Variants in FAM53B observed in about 807,000 individuals in gnomAD.
FAM53B encodes the protein protein FAM53B.
A neutral mutation model predicts 32.7 loss-of-function variants in FAM53B; 12 were observed. That is an observed-to-expected ratio of 0.37 (90% CI 0.24 to 0.59). The LOEUF (loss-of-function observed/expected upper bound fraction) is 0.59, where lower values mean the gene tolerates loss of function less well. Ranked by LOEUF, FAM53B falls within the 20% of genes least tolerant of loss-of-function variation. The pLI, the probability that FAM53B is intolerant of heterozygous loss-of-function variation, is 0.72. For synonymous variants in FAM53B, 234 were observed against 228.7 expected, an observed-to-expected ratio of 1.02 and a Z score of -0.21; for missense variants, 477 against 577.7, an observed-to-expected ratio of 0.83 and a Z score of 1.79.
intron 2 of FAM53B, among the ~76,000 whole-genome samples, chr10:124,698,563 C>T (rs1398745501): frequency 2.0e-5 from 3 of 152,158 alleles, no homozygotes; most frequent in Admixed American, 6.5e-5. Context: ...CCCAGGCACT[C>T]GTTCATACAT....
chr10:124,624,751 G>T (rs1323398622), intron 4 of FAM53B, among the ~76,000 whole-genome samples: 1 of 139,030 alleles, frequency 7.2e-6, no homozygotes, highest in Non-Finnish European at 1.7e-5. Flanking sequence ...GCACAAGTGG[G>T]TGCAGTTCAA....
intron 4 of FAM53B, among the ~76,000 whole-genome samples, chr10:124,629,291 G>A (rs1049246900): frequency 4.6e-5 from 7 of 152,156 alleles, no homozygotes; most frequent in Admixed American, 2.0e-4. Flanking sequence ...CGCCAAGTCC[G>A]TCTCCCAGAG....
chr10:124,679,573 G>A (rs1034634106), intron 4 of FAM53B, among the ~76,000 whole-genome samples: 19 of 152,252 alleles, frequency 1.2e-4, no homozygotes, highest in Admixed American at 2.0e-4. Context: ...CTTGGTGGGG[G>A]CATGGCTCAG....
chr10:124,654,441 C>G (rs1300552867), intron 4 of FAM53B, among the ~76,000 whole-genome samples: 1 of 152,138 alleles, frequency 6.6e-6, no homozygotes, highest in Non-Finnish European at 1.5e-5. Flanking sequence ...GAAGAGCGCT[C>G]CCAGGGAGGT....
At chr10:124,702,626 C>A (rs1949922670) in intron 2 of FAM53B, among the ~76,000 whole-genome samples, 1 of 152,196 alleles carries the variant, frequency 6.6e-6, no homozygotes, top group South Asian at 2.1e-4. Flanking sequence ...CCTGGGCTCT[C>A]TGAGCCACAG....
chr10:124,710,190 T>C (rs1949991266), intron 1 of FAM53B, among the ~76,000 whole-genome samples: 1 of 152,222 alleles, frequency 6.6e-6, no homozygotes, highest in Admixed American at 6.5e-5. Flanking sequence ...GGGCTCTGAA[T>C]GCCATACTCA....
intron 2 of FAM53B, among the ~76,000 whole-genome samples, chr10:124,702,823 G>A (rs996017232): frequency 5.3e-5 from 8 of 152,272 alleles, no homozygotes; most frequent in Middle Eastern, 3.4e-3. Context: ...GGGTGTTTGG[G>A]TCATGGGAGC....
At chr10:124,639,808 G>A (rs1273662321) in intron 4 of FAM53B, among the ~76,000 whole-genome samples, 3 of 151,978 alleles carry the variant, frequency 2.0e-5, no homozygotes, top group Non-Finnish European at 2.9e-5. Context: ...TGCCTGGGGC[G>A]GGCATGGGGG....
intron 4 of FAM53B, among the ~76,000 whole-genome samples, chr10:124,646,857 C>G (rs991252694): frequency 6.6e-6 from 1 of 152,186 alleles, no homozygotes; most frequent in African/African-American, 2.4e-5. Flanking sequence ...GCAGAAGCAC[C>G]CAAGGCAAGC....
At chr10:124,656,446 T>C (rs777918981) in intron 4 of FAM53B, among the ~76,000 whole-genome samples, 6 of 152,224 alleles carry the variant, frequency 3.9e-5, no homozygotes, top group African/African-American at 1.4e-4. Flanking sequence ...AACTCACATA[T>C]AGACTATTTG....
At position 124,689,911 on chromosome 10, in the gene FAM53B, C is replaced by G. The variant is rs367963012; in HGVS notation, c.133+6247G>C. On this transcript the variant is annotated intron_variant, in intron 3 of 4. Coordinates refer to ENST00000337318, the MANE Select transcript of FAM53B (RefSeq NM_014661.4). ...CCCTTTTGGGTCTGACCAGGACTTCCTATTCTACCCCTCAGCTCCCACAGG... is the reference window on the plus strand; with the variant it reads ...CCCTTTTGGGTCTGACCAGGACTTCGTATTCTACCCCTCAGCTCCCACAGG... Among the ~76,000 whole-genome samples the G allele has an allele frequency of 1.1e-4, 17 of 152,372 alleles. No individual in the cohort carries two copies. In the East Asian group the frequency reaches 2.7e-3, roughly 24 times the overall value.
intron 1 of FAM53B, among the ~76,000 whole-genome samples, chr10:124,729,079 G>C (rs991558851): frequency 5.9e-5 from 9 of 152,346 alleles, no homozygotes; most frequent in African/African-American, 1.7e-4. Context: ...AGAGTGCTTG[G>C]CACACAGTAG....
At chr10:124,712,261 C>T (rs529387384) in intron 1 of FAM53B, among the ~76,000 whole-genome samples, 2 of 152,112 alleles carry the variant, frequency 1.3e-5, no homozygotes, top group East Asian at 1.9e-4. Context: ...GAGGCTGAGG[C>T]GCAGGAAACA....
chr10:124,680,767 C>T (rs1372570467), intron 4 of FAM53B, among the ~76,000 whole-genome samples: 2 of 152,136 alleles, frequency 1.3e-5, no homozygotes, highest in Non-Finnish European at 2.9e-5. Flanking sequence ...ATTAAGCAAC[C>T]GATGGCCTCC....
At chr10:124,625,235 G>A (rs909227443) in intron 4 of FAM53B, among the ~76,000 whole-genome samples, 5 of 152,350 alleles carry the variant, frequency 3.3e-5, no homozygotes, top group Admixed American at 1.3e-4. Flanking sequence ...CCATGGGCAC[G>A]CTCATTGTTC....
At chr10:124,693,504 T>A (rs1340814666) in intron 3 of FAM53B, among the ~76,000 whole-genome samples, 3 of 149,256 alleles carry the variant, frequency 2.0e-5, no homozygotes, top group Non-Finnish European at 3.0e-5. Context: ...ACACCTCAGA[T>A]GAAATCTCGC....
In FAM53B at chr10:124,717,291, A is replaced by G. The variant is rs1473702460; in HGVS notation, c.-174-10404T>C. Among the ~76,000 whole-genome samples the G allele has an allele frequency of 2.6e-5, 4 of 152,248 alleles. No individual in the cohort carries two copies. In the East Asian group the frequency reaches 7.7e-4, roughly 29 times the overall value. On this transcript the variant is annotated intron_variant, in intron 1 of 4. Coordinates refer to ENST00000337318, the MANE Select transcript of FAM53B (RefSeq NM_014661.4). ...AGTCACGTATCAGCTGTGTGGCTTC[A>G]GCCAGGTCTTTATGACTCTCTGGGC...
At chr10:124,658,668 T>A (rs1589740938) in intron 4 of FAM53B, among the ~76,000 whole-genome samples, 1 of 152,116 alleles carries the variant, frequency 6.6e-6, no homozygotes, top group Non-Finnish European at 1.5e-5. Context: ...GAAGCTGAGA[T>A]CCTAGGAGCA....
intron 4 of FAM53B, among the ~76,000 whole-genome samples, chr10:124,631,915 CCT>C (rs1399403455): frequency 6.6e-6 from 1 of 152,200 alleles, no homozygotes; most frequent in Non-Finnish European, 1.5e-5. Context: ...TGCAGGGAAC[CCT>C]GACCCCACAT....
Sources: allele counts gnomAD v4.1 joint callset (sites outside exome capture counted in the v4.1 genomes callset), GRCh38; gene constraint gnomAD v4.1.1; transcripts MANE v1.5; gene names NCBI Gene and HGNC (gene_info 2026-07-23, HGNC 2026-07-21).